Variants in RBM4B observed in about 807,000 individuals in gnomAD.
RBM4B encodes RNA binding motif protein 4B, also known as RNA-binding protein 4B.
In RBM4B, 13 loss-of-function variants were observed where a neutral mutation model predicts 28.5. The observed-to-expected ratio is 0.46, with a 90% confidence interval of 0.30 to 0.72. RBM4B has a LOEUF of 0.72. Ranked by LOEUF, RBM4B falls within the 30% of genes least tolerant of loss-of-function variation. The pLI is 0.09. For missense variants in RBM4B, 387 were observed against 477.6 expected, an observed-to-expected ratio of 0.81 and a Z score of 1.77; for synonymous variants, 167 against 179.1, an observed-to-expected ratio of 0.93 and a Z score of 0.54.
At chr11:66,672,512 G>T (rs1006460975) in intron 2 of RBM4B, among the ~76,000 whole-genome samples, 2 of 150,716 alleles carry the variant, frequency 1.3e-5, no homozygotes, top group African/African-American at 2.4e-5. Context: ...TTTTGGGGGG[G>T]GGGGACAGAT....
chr11:66,668,297 A>AT, intron 3 of RBM4B: 3 of 261,258 alleles, frequency 1.1e-5, no homozygotes, highest in South Asian at 8.0e-5. Flanking sequence ...TACAGAGGGC[A>AT]CATAACAAAT....
At position 66,674,369 on chromosome 11, in the gene RBM4B, C is replaced by T. The variant is rs556060518; in HGVS notation, c.412+2299G>A. ...TTCCCGAGTAGTGGGGACTACAAGG[C>T]GCCTGCCACCATGGCCGGCTAATTT... On this transcript the variant is annotated intron_variant, in intron 2 of 3. Transcript: ENST00000310046. Among the ~76,000 whole-genome samples the T allele has an allele frequency of 3.3e-5, 5 of 151,082 alleles. No individual in the cohort carries two copies. In the East Asian group the frequency reaches 7.8e-4, roughly 24 times the overall value.
intron 2 of RBM4B, among the ~76,000 whole-genome samples, chr11:66,674,473 C>A (rs1201027197): frequency 6.6e-6 from 1 of 152,038 alleles, no homozygotes; most frequent in African/African-American, 2.4e-5. Context: ...GTGATCCCCC[C>A]GCCTTGGCCT....
intron 2 of RBM4B, among the ~76,000 whole-genome samples, chr11:66,671,167 A>G (rs1042406848): frequency 6.6e-6 from 1 of 152,224 alleles, no homozygotes; most frequent in Non-Finnish European, 1.5e-5. Flanking sequence ...TCCAACTGCT[A>G]GGAGACAGGC....
At chr11:66,666,031 G>C in intron 3 of RBM4B, 1 of 1,350,556 alleles carries the variant, frequency 7.4e-7, no homozygotes, top group East Asian at 2.5e-5. Context: ...CAGTAAACAA[G>C]CTTTCAGAAA....
intron 2 of RBM4B, among the ~76,000 whole-genome samples, chr11:66,675,109 G>A (rs567625866): frequency 1.3e-5 from 2 of 152,264 alleles, no homozygotes; most frequent in Non-Finnish European, 2.9e-5. Flanking sequence ...AAAAACAAAT[G>A]TAAGAAAAGC....
intron 2 of RBM4B, among the ~76,000 whole-genome samples, chr11:66,673,391 T>C (rs1428137654): frequency 1.3e-5 from 2 of 152,176 alleles, no homozygotes; most frequent in African/African-American, 2.4e-5. Context: ...AGTCATACAA[T>C]GCAAAAAGCC....
chr11:66,673,749 C>T (rs761475517), intron 2 of RBM4B, among the ~76,000 whole-genome samples: 16 of 152,190 alleles, frequency 1.1e-4, no homozygotes, highest in Non-Finnish European at 1.9e-4. Context: ...GAGTGAGCCA[C>T]CTCACCCGGG....
At chr11:66,670,998 C>T (rs1254711502) in intron 2 of RBM4B, 4 of 702,526 alleles carry the variant, frequency 5.7e-6, no homozygotes, top group Non-Finnish European at 1.0e-5. Flanking sequence ...TGGAAATAGC[C>T]CTATTGAGGA....
chr11:66,677,275 G>A (rs528466669), intron 1 of RBM4B, 184 bp from the exon 2 acceptor site: 2 of 712,818 alleles, frequency 2.8e-6, no homozygotes, highest in South Asian at 2.0e-5. Context: ...TGCGTGACAT[G>A]CAAACAGGAG....
intron 3 of RBM4B, 98 bp from the exon 4 acceptor site, chr11:66,665,676 A>G (rs531421945): frequency 8.1e-5 from 120 of 1,488,628 alleles, no homozygotes; most frequent in South Asian, 1.3e-4. Flanking sequence ...TTCCGGGGGG[A>G]AAAAAAAGAA....
Position 66,668,990 on chromosome 11 carries a change from AGCCGCTGCC to A in RBM4B, c.705_713del (p.Ala236_Ala238del). 3 of 1,614,170 alleles carry A rather than the reference AGCCGCTGCC, an allele frequency of 1.9e-6. No individual in the cohort carries two copies. The highest frequency in any genetic ancestry group is 2.5e-6 in the Non-Finnish European group (3 of 1,180,018). The stretch of plus-strand genomic sequence containing the variant: ...TCTGCTCTGCGTAGTTGTATGCAGA[AGCCGCTGCC>A]GCCGCTGCTACTGCCTCATAAGAGC... On this transcript the variant is annotated inframe_deletion, in exon 3 of 4. Transcript: ENST00000310046.
intron 3 of RBM4B, chr11:66,666,066 C>T (rs1939220998): frequency 1.3e-5 from 14 of 1,063,404 alleles, no homozygotes; most frequent in Non-Finnish European, 1.7e-5. Flanking sequence ...GGTAGGATAT[C>T]AAGGAGCAGC....
intron 2 of RBM4B, among the ~76,000 whole-genome samples, chr11:66,673,673 A>G (rs773885259): frequency 6.6e-6 from 1 of 152,116 alleles, no homozygotes; most frequent in Non-Finnish European, 1.5e-5. Flanking sequence ...TGACCAGGCT[A>G]GTCTTGAACT....
intron 2 of RBM4B, among the ~76,000 whole-genome samples, chr11:66,670,032 G>A (rs930396058): frequency 1.3e-5 from 2 of 152,194 alleles, no homozygotes; most frequent in African/African-American, 4.8e-5. Context: ...ACTGACTAAG[G>A]ATTAAGGCCT....
chr11:66,669,899 TTTCCAC>T lies in RBM4B; in HGVS notation c.413-614_413-609del, dbSNP rs1218386802. Among the ~76,000 whole-genome samples the T allele has an allele frequency of 2.0e-5, 3 of 152,232 alleles. No homozygotes were observed. The South Asian group carries it at 6.2e-4, about 31-fold the overall frequency. On this transcript the variant is annotated intron_variant, in intron 2 of 3. Transcript: ENST00000310046. The stretch of plus-strand genomic sequence containing the variant: ...CCCTTATACACAACAATTGGAAAAG[TTTCCAC>T]TTCTCACTAAGATTGTTATTACTTG...
chr11:66,676,647 C>A (rs1303996004), intron 2 of RBM4B, 21 bp downstream of exon 2: 1 of 1,612,336 alleles, frequency 6.2e-7, no homozygotes, highest in Admixed American at 1.7e-5. Flanking sequence ...GGCGCTACTA[C>A]CCAGGCCCAG....
chr11:66,672,696 C>G (rs1939507012), intron 2 of RBM4B, among the ~76,000 whole-genome samples: 1 of 151,996 alleles, frequency 6.6e-6, no homozygotes, highest in Admixed American at 6.6e-5. Context: ...GAGGTTTCAC[C>G]ATGTTGGCCA....
chr11:66,667,696 AG>A (rs1939288334), intron 3 of RBM4B: 1 of 150,582 alleles, frequency 6.6e-6, no homozygotes, highest in Non-Finnish European at 1.5e-5. Context: ...CCCAAGAAGT[AG>A]GTTTTTTTTT....
Sources: gnomAD v4.1 joint callset for allele counts (sites outside exome capture counted in the v4.1 genomes callset) on GRCh38, gnomAD v4.1.1 for gene constraint, MANE v1.5 for transcripts, NCBI Gene and HGNC (gene_info 2026-07-23, HGNC 2026-07-21) for gene names.